The following SEMA6D variants were observed in gnomAD, a reference collection of about 807,000 sequenced individuals.
SEMA6D encodes the protein semaphorin-6D.
Under a neutral mutation model 106.6 loss-of-function variants are expected in SEMA6D, and 35 were observed. The ratio of observed to expected loss-of-function variants is 0.33; its 90% CI spans 0.25 to 0.44. SEMA6D has a LOEUF of 0.44. Among genes scored for constraint, SEMA6D ranks in the 20% least tolerant of loss-of-function variants. The pLI is 1.00. For missense variants in SEMA6D, 1,185 were observed against 1,345.9 expected (o/e 0.88, Z 1.87); for synonymous variants, 499 against 487.7 (o/e 1.02, Z -0.31).
chr15:47,746,542 G>T (rs528022849), intron 1 of SEMA6D, among the ~76,000 whole-genome samples: 1 of 152,312 alleles, frequency 6.6e-6, no homozygotes, highest in East Asian at 1.9e-4. Flanking sequence ...GAAAGCTATG[G>T]CTACACGGTG....
intron 1 of SEMA6D, among the ~76,000 whole-genome samples, chr15:47,731,318 C>A (rs2080106762): frequency 6.6e-6 from 1 of 151,874 alleles, no homozygotes; most frequent in Non-Finnish European, 1.5e-5. Flanking sequence ...CACTGCCCCC[C>A]CGCCCCCGGT....
chr15:47,499,770 C>T (rs1272252596), intron 3 of SEMA6D, among the ~76,000 whole-genome samples: 2 of 152,030 alleles, frequency 1.3e-5, no homozygotes, highest in African/African-American at 4.8e-5. Flanking sequence ...AGTTCTAAAG[C>T]TTTTGCAGGT....
intron 2 of SEMA6D, among the ~76,000 whole-genome samples, chr15:47,445,295 G>A (rs1019592732): frequency 1.3e-5 from 2 of 152,012 alleles, no homozygotes; most frequent in South Asian, 4.1e-4. Flanking sequence ...GTTTGCTGGG[G>A]GACCTCTGCC....
At chr15:47,594,488 A>G (rs139366108) in intron 3 of SEMA6D, among the ~76,000 whole-genome samples, 5 of 152,338 alleles carry the variant, frequency 3.3e-5, no homozygotes, top group African/African-American at 9.6e-5. Context: ...TATATCATTG[A>G]GAGAATTTGC....
At chr15:47,633,160 C>T (rs1183903363) in intron 4 of SEMA6D, among the ~76,000 whole-genome samples, 1 of 152,126 alleles carries the variant, frequency 6.6e-6, no homozygotes, top group African/African-American at 2.4e-5. Flanking sequence ...TTAAGAAGTT[C>T]ATGAGAAGTA....
At chr15:47,496,857 G>A (rs1448742151) in intron 3 of SEMA6D, among the ~76,000 whole-genome samples, 1 of 151,864 alleles carries the variant, frequency 6.6e-6, no homozygotes, top group East Asian at 1.9e-4. Flanking sequence ...ATGCATTGAC[G>A]TCTGAGCCAC....
chr15:47,552,070 AT>A lies in SEMA6D; in HGVS notation c.-86-48794del, dbSNP rs1291595661. On this transcript the variant is annotated intron_variant, in intron 3 of 19. Transcript: ENST00000558014. ...AAAAGACAGTCATACACATATGTTC[AT>A]CACAGCGCTATGTACAATAGTGAAA... Among the ~76,000 whole-genome samples the A allele has an allele frequency of 5.3e-5, 8 of 152,246 alleles. No homozygotes were observed. In the South Asian group the frequency reaches 1.2e-3, roughly 24 times the overall value.
intron 3 of SEMA6D, among the ~76,000 whole-genome samples, chr15:47,509,489 A>G (rs75160557): frequency 7.1e-4 from 108 of 152,110 alleles, no homozygotes; most frequent in Non-Finnish European, 1.3e-3. Context: ...CACTCCCCAT[A>G]TTCTCTATAA....
At chr15:47,190,945 G>A (rs71467617) in intron 1 of SEMA6D, among the ~76,000 whole-genome samples, 3 of 152,100 alleles carry the variant, frequency 2.0e-5, no homozygotes, top group South Asian at 4.1e-4. Flanking sequence ...TGAGATGAGA[G>A]GACTGTTTGA....
At chr15:47,720,154 T>C (rs1288441344) in intron 1 of SEMA6D, among the ~76,000 whole-genome samples, 1 of 152,212 alleles carries the variant, frequency 6.6e-6, no homozygotes, top group East Asian at 1.9e-4. Flanking sequence ...TTTTCTTTCA[T>C]TGGCACATTT....
At chr15:47,738,250 G>A (rs2080572055) in intron 1 of SEMA6D, among the ~76,000 whole-genome samples, 2 of 152,056 alleles carry the variant, frequency 1.3e-5, no homozygotes, top group Middle Eastern at 3.2e-3. Flanking sequence ...AACATGCGGT[G>A]TTTGGTTTTC....
At chr15:47,506,601 C>CACACAA (rs1596184923) in intron 3 of SEMA6D, among the ~76,000 whole-genome samples, 3 of 138,948 alleles carry the variant, frequency 2.2e-5, no homozygotes, top group Admixed American at 6.9e-5. Context: ...CACACACAAA[C>CACACAA]ACACACACAC....
intron 1 of SEMA6D, among the ~76,000 whole-genome samples, chr15:47,340,075 C>T (rs2037748833): frequency 6.6e-6 from 1 of 152,194 alleles, no homozygotes; most frequent in Non-Finnish European, 1.5e-5. Flanking sequence ...GCAGGGAAAA[C>T]ATTCTAAGCA....
intron 1 of SEMA6D, among the ~76,000 whole-genome samples, chr15:47,331,511 C>T (rs898506480): frequency 3.3e-5 from 5 of 152,142 alleles, no homozygotes; most frequent in South Asian, 2.1e-4. Flanking sequence ...TTGGGAAAAA[C>T]ATGTATAGTG....
intron 1 of SEMA6D, among the ~76,000 whole-genome samples, chr15:47,755,124 G>A (rs1764297756): frequency 6.6e-6 from 1 of 151,756 alleles, no homozygotes; most frequent in Admixed American, 6.6e-5. Context: ...GCTAATTGTT[G>A]TATTTTTAGT....
intron 4 of SEMA6D, among the ~76,000 whole-genome samples, chr15:47,644,163 A>G (rs966558343): frequency 2.6e-5 from 4 of 152,216 alleles, no homozygotes; most frequent in African/African-American, 4.8e-5. Flanking sequence ...TGTGTGCACC[A>G]TTCTTTATTC....
At chr15:47,511,912 C>T (rs1442976219) in intron 3 of SEMA6D, among the ~76,000 whole-genome samples, 1 of 152,132 alleles carries the variant, frequency 6.6e-6, no homozygotes, top group Admixed American at 6.5e-5. Flanking sequence ...GCCACCTCTC[C>T]TGGGAAAGCA....
chr15:47,619,692 G>A (rs1043772884), intron 4 of SEMA6D, among the ~76,000 whole-genome samples: 10 of 152,120 alleles, frequency 6.6e-5, no homozygotes, highest in Non-Finnish European at 1.3e-4. Context: ...TGGTTTGCTC[G>A]CTAAAGTCTG....
intron 1 of SEMA6D, among the ~76,000 whole-genome samples, chr15:47,228,739 G>A (rs1332797322): frequency 6.6e-6 from 1 of 151,992 alleles, no homozygotes; most frequent in Non-Finnish European, 1.5e-5. Context: ...AATAAATATA[G>A]AAGAGAGGCA....
Sources: allele counts gnomAD v4.1 joint callset (sites outside exome capture counted in the v4.1 genomes callset), GRCh38; gene constraint gnomAD v4.1.1; transcripts MANE v1.5; gene names NCBI Gene and HGNC (gene_info 2026-07-23, HGNC 2026-07-21).